TBCB: variants seen among roughly 807,000 people sequenced by gnomAD.
The protein encoded by TBCB is tubulin folding cofactor B.
TBCB carries 18 observed loss-of-function variants against 29.2 expected under a neutral mutation model. The ratio of observed to expected loss-of-function variants is 0.62; its 90% CI spans 0.43 to 0.91. The LOEUF (loss-of-function observed/expected upper bound fraction) is 0.91. Among genes scored for constraint, TBCB ranks in the 40% least tolerant of loss-of-function variants. The probability of loss-of-function intolerance (pLI) is 0.00; values close to 1 mark genes in which losing one functional copy is unlikely to be tolerated. For synonymous variants in TBCB, 172 were observed against 137.8 expected, an observed-to-expected ratio of 1.25 and a Z score of -1.74; for missense variants, 336 against 337.6, an observed-to-expected ratio of 1.00 and a Z score of 0.04.
intron 4 of TBCB, among the ~76,000 whole-genome samples, chr19:36,123,507 G>A (rs1022872665): frequency 6.6e-6 from 1 of 152,040 alleles, no homozygotes; most frequent in African/African-American, 2.4e-5. Context: ...TCAAGTGATC[G>A]TCCTGCTTCA....
intron 4 of TBCB, chr19:36,121,991 G>T: frequency 1.8e-6 from 1 of 544,142 alleles, no homozygotes; most frequent in South Asian, 2.1e-5. Context: ...GCGCTTCGAA[G>T]CGTGGGGCAG....
chr19:36,117,792 G>A (rs1190082379), intron 2 of TBCB: 10 of 151,526 alleles, frequency 6.6e-5, no homozygotes, highest in African/African-American at 1.9e-4. Context: ...TTGAGACAGA[G>A]TCTTGCTCTG....
At chr19:36,125,615 G>T (rs1173384715) in intron 5 of TBCB, 53 bp from the exon 6 acceptor site, 37 of 1,608,268 alleles carry the variant, frequency 2.3e-5, no homozygotes, top group Non-Finnish European at 3.1e-5. Context: ...AGCTTCTAGA[G>T]TGGAGCCATG....
At chr19:36,120,451 G>A (rs1351280191) in intron 2 of TBCB, 10 of 493,882 alleles carry the variant, frequency 2.0e-5, no homozygotes, top group Non-Finnish European at 3.7e-5. Flanking sequence ...GGCCCTTGGC[G>A]ATGTTGATGC....
chr19:36,116,425 G>C, intron 2 of TBCB: 1 of 447,408 alleles, frequency 2.2e-6, no homozygotes, highest in African/African-American at 2.0e-5. Context: ...ACTCCACCTG[G>C]GAGAATCAGA....
At chr19:36,118,929 GCTGT>G (rs1438984517) in intron 2 of TBCB, among the ~76,000 whole-genome samples, 4 of 152,196 alleles carry the variant, frequency 2.6e-5, no homozygotes, top group Admixed American at 2.6e-4. Flanking sequence ...GGAAGGGGCT[GCTGT>G]GAGAGTCCTG....
rs1599867548 is a variant in TBCB at position 36,125,331 on chromosome 19, G to A, written c.548-120G>A. 1.2e-5 allele frequency: 13 copies of A among 1,094,042 alleles called. No homozygotes were observed. The East Asian group carries it at 3.1e-4, about 26-fold the overall frequency. The allele number at this position is 1,094,042 out of a possible 1,614,324, so 67.8% of individuals were successfully genotyped here. On this transcript the variant is annotated intron_variant, in intron 4 of 5. Coordinates refer to ENST00000221855, the MANE Select transcript of TBCB (RefSeq NM_001281.3). ...GGTAGCAATAGAGGTAGCAAGAAAT[G>A]GTTTTCACCAAGACAGGCTTCTACT...
intron 4 of TBCB, among the ~76,000 whole-genome samples, chr19:36,124,938 AT>A (rs554726725): frequency 0.012 from 1,843 of 149,608 alleles, 22 homozygotes; most frequent in Non-Finnish European, 0.016. Context: ...TTGTAATGGG[AT>A]TTTTTTTTTG....
At position 36,125,859 on chromosome 19, in the gene TBCB, C is replaced by T. The variant is rs548764451; in HGVS notation, c.*77C>T. ...TCCTGTGTGTGCCCATGGCCCTTTT[C>T]TCCTGACCCCATTTTAATTTTATTC... On this transcript the variant is annotated 3_prime_UTR_variant, in exon 6 of 6. Transcript: ENST00000221855. 4.0e-5 allele frequency: 40 copies of T among 1,011,928 alleles called. No homozygotes were observed. The highest frequency in any genetic ancestry group is 5.5e-5 in the Non-Finnish European group (40 of 727,992). 62.7% of individuals were successfully genotyped at this position (1,011,928 alleles called of 1,614,324 possible).
At chr19:36,125,118 G>T (rs1256085731) in intron 4 of TBCB, among the ~76,000 whole-genome samples, 1 of 152,226 alleles carries the variant, frequency 6.6e-6, no homozygotes, top group African/African-American at 2.4e-5. Context: ...AGATCAAGCT[G>T]TCAGCAGGTT....
chr19:36,116,139 T>A lies in TBCB; in HGVS notation c.213T>A (p.Asp71Glu), dbSNP rs202004947. 3.7e-5 allele frequency: 59 copies of A among 1,614,112 alleles called. 1 individual carries two copies. Among genetic ancestry groups the A allele is most frequent in the Middle Eastern group, 1.6e-4 (1 of 6,062 alleles). The change falls in exon 2 of 6, where the codon GAT becomes GAA. Residue 71 changes from aspartate (D) to glutamate (E), a missense_variant. Physicochemically the swap from Asp to Glu is conservative, Grantham distance 45 (BLOSUM62 2). Coordinates refer to ENST00000221855, the MANE Select transcript of TBCB (RefSeq NM_001281.3). ...DKFYSKLDQE[D>E]ALLGSYPVDD... ...TCTACAGCAAGCTGGATCAAGAGGA[T>A]GCGCTCCTGGGCTCCTACCCTGTAG... is the stretch of plus-strand genomic sequence containing the variant.
At chr19:36,122,617 T>C (rs1469381174) in intron 4 of TBCB, among the ~76,000 whole-genome samples, 3 of 147,414 alleles carry the variant, frequency 2.0e-5, no homozygotes, top group African/African-American at 7.5e-5. Context: ...TCAGTTGTGG[T>C]GGTGAGCACC....
At chr19:36,125,388 G>A in intron 4 of TBCB, 63 bp from the exon 5 acceptor site, 1 of 1,584,830 alleles carries the variant, frequency 6.3e-7, no homozygotes, top group South Asian at 1.1e-5. Flanking sequence ...GGGTGATCCT[G>A]AAATTTCATG....
rs936118472 is a variant in TBCB, at chr19:36,115,911, G to A, written c.115-130G>A. On this transcript the variant is annotated intron_variant, in intron 1 of 5. Coordinates refer to ENST00000221855, the MANE Select transcript of TBCB (RefSeq NM_001281.3). The stretch of plus-strand genomic sequence containing the variant: ...CCAGAGGGCGGGGGCAAGAGGCGAG[G>A]GGCTGGATTGCGGCCCCGTGCGTCC... 13 of 1,379,376 alleles carry A rather than the reference G, an allele frequency of 9.4e-6. No homozygotes were observed. The Admixed American group carries it at 2.2e-4, about 23-fold the overall frequency. The allele number at this position is 1,379,376 out of a possible 1,614,324, so 85.4% of individuals were successfully genotyped here.
chr19:36,119,825 G>A (rs1393119285), intron 2 of TBCB, among the ~76,000 whole-genome samples: 1 of 151,742 alleles, frequency 6.6e-6, no homozygotes, highest in South Asian at 2.1e-4. Flanking sequence ...TTTGCAGTGA[G>A]GCAGAGGTTT....
chr19:36,115,482 A>C lies in TBCB; in HGVS notation c.-79A>C, dbSNP rs557975377. ...CAGGAGGCGGGGCTGATAGCCCAGCAGCAGCAGCGGCGGCGGCGGCTGCGG... is the reference window on the plus strand; with the variant it reads ...CAGGAGGCGGGGCTGATAGCCCAGCCGCAGCAGCGGCGGCGGCGGCTGCGG... On this transcript the variant is annotated 5_prime_UTR_variant, in exon 1 of 6. Transcript: ENST00000221855. 1 of 1,114,452 alleles carries C rather than the reference A, an allele frequency of 9.0e-7. No homozygotes were observed. The highest frequency in any genetic ancestry group is 2.1e-5 in the Admixed American group (1 of 47,634). The allele number at this position is 1,114,452 out of a possible 1,614,324, so 69.0% of individuals were successfully genotyped here.
intron 1 of TBCB, 54 bp downstream of exon 1, chr19:36,115,728 C>A: frequency 7.1e-7 from 1 of 1,402,526 alleles, no homozygotes; most frequent in South Asian, 1.2e-5. Flanking sequence ...TTGGGGGGTT[C>A]CCGGAAGGGG....
intron 4 of TBCB, among the ~76,000 whole-genome samples, chr19:36,122,423 C>T (rs1974070990): frequency 6.6e-6 from 1 of 151,450 alleles, no homozygotes; most frequent in South Asian, 2.1e-4. Flanking sequence ...CTAGCCTGGG[C>T]AGCAGAGAAA....
rs1974028711 is a variant in TBCB, at chr19:36,120,577, GAA to G, written c.259-132_259-131del. The G allele has an allele frequency of 8.6e-6, 6 of 698,386 alleles. No homozygotes were observed. The South Asian group carries it at 1.0e-4, about 12-fold the overall frequency. The allele number at this position is 698,386 out of a possible 1,614,324, so 43.3% of individuals were successfully genotyped here. On this transcript the variant is annotated intron_variant, in intron 2 of 5. Coordinates refer to ENST00000221855, the MANE Select transcript of TBCB (RefSeq NM_001281.3). The stretch of plus-strand genomic sequence containing the variant: ...TCTCCCTTCCGCTGGGCTCAGGAGA[GAA>G]GAGAAGGCTGCAGTACAGGCGAGGG...
Sources: gnomAD v4.1 joint callset for allele counts (sites outside exome capture counted in the v4.1 genomes callset) on GRCh38, gnomAD v4.1.1 for gene constraint, MANE v1.5 for transcripts, NCBI Gene and HGNC (gene_info 2026-07-23, HGNC 2026-07-21) for gene names.